RASSF2: variants seen among roughly 807,000 people sequenced by gnomAD.
The protein encoded by RASSF2 is Ras association domain family member 2, also known as ras association domain-containing protein 2.
A neutral mutation model predicts 46.3 loss-of-function variants in RASSF2; 34 were observed. The observed-to-expected ratio is 0.73, with a 90% CI of 0.56 to 0.98. The LOEUF is 0.98. RASSF2 is among the 50% of genes least tolerant of loss of function. The pLI is 0.00. For missense variants in RASSF2, 364 were observed against 431.2 expected (o/e 0.84, Z 1.38); for synonymous variants, 158 against 162.5 (o/e 0.97, Z 0.21).
intron 2 of RASSF2, among the ~76,000 whole-genome samples, chr20:4,818,409 C>G (rs191802297): frequency 1.3e-5 from 2 of 152,122 alleles, no homozygotes. Flanking sequence ...TCCTCCCCTC[C>G]GCATGTACAG....
chr20:4,813,406 C>T (rs934478573), intron 2 of RASSF2, among the ~76,000 whole-genome samples: 2 of 152,198 alleles, frequency 1.3e-5, no homozygotes, highest in African/African-American at 4.8e-5. Context: ...TTCCCAGACG[C>T]GACTGTGGAA....
At chr20:4,788,289 T>C in intron 8 of RASSF2, 21 bp from the exon 9 acceptor site, 1 of 1,599,142 alleles carries the variant, frequency 6.3e-7, no homozygotes, top group South Asian at 1.1e-5. Flanking sequence ...AGCAAAAGAT[T>C]CTTGTTGAAA....
intron 11 of RASSF2, 27 bp from the exon 12 acceptor site, chr20:4,784,369 G>A (rs1279794125): frequency 6.2e-7 from 1 of 1,606,466 alleles, no homozygotes; most frequent in Non-Finnish European, 8.5e-7. Context: ...GGCTCAGATG[G>A]AGAGCAGCCA....
At chr20:4,808,662 T>G (rs956791466) in intron 2 of RASSF2, among the ~76,000 whole-genome samples, 3 of 152,022 alleles carry the variant, frequency 2.0e-5, no homozygotes, top group Non-Finnish European at 4.4e-5. Context: ...AATTTTTTAT[T>G]TTTTGTAAAG....
chr20:4,795,903 G>T lies in RASSF2; in HGVS notation c.199C>A (p.Arg67Ser). 1 of 1,606,684 alleles carries T rather than the reference G, an allele frequency of 6.2e-7. No homozygotes were observed. Among genetic ancestry groups the T allele is most frequent in the Non-Finnish European group, 8.5e-7 (1 of 1,175,818 alleles). ...TCGTTGTCATCCTGCATCTGCAGGC[G>T]AATGGGCCGGCGCAGGCCCCAGGAG... The part of the protein sequence containing the change: ...NISWGLRRPI[R>S]LQMQDDNERI... Residue 67 changes from arginine to serine, a missense_variant, in exon 5 of 12, where the codon CGC becomes AGC. By Grantham distance (110) the Arg-to-Ser change is moderately radical. Coordinates refer to ENST00000379400, the MANE Select transcript of RASSF2 (RefSeq NM_014737.3). This position sits in a 1 kb window ranked among gnomAD's most constrained non-coding sequence, Gnocchi z 4.0.
In RASSF2 at chr20:4,795,976, A is replaced by G; in HGVS notation, c.136-10T>C. 1 of 1,507,590 alleles carries G rather than the reference A, an allele frequency of 6.6e-7. No homozygotes were observed. Among genetic ancestry groups the G allele is most frequent in the Non-Finnish European group, 8.9e-7 (1 of 1,122,046 alleles). 93.4% of individuals were successfully genotyped at this position (1,507,590 alleles called of 1,614,324 possible). On this transcript the variant is annotated splice_polypyrimidine_tract_variant and intron_variant, in intron 4 of 11. Coordinates refer to ENST00000379400, the MANE Select transcript of RASSF2 (RefSeq NM_014737.3). This position sits in a 1 kb window ranked among gnomAD's most constrained non-coding sequence, Gnocchi z 4.0. Reference sequence around the variant, plus strand: ...TGAACTCGTCTTCTTCCTGCCCACAAAGCAATCAGAGTAGTGAGCCTAGAA... The same window carrying G: ...TGAACTCGTCTTCTTCCTGCCCACAGAGCAATCAGAGTAGTGAGCCTAGAA...
At chr20:4,810,315 T>C (rs761717784) in intron 2 of RASSF2, among the ~76,000 whole-genome samples, 4 of 152,052 alleles carry the variant, frequency 2.6e-5, no homozygotes, top group Admixed American at 6.5e-5. Flanking sequence ...CAAGAACAAA[T>C]GCAGGGCTGG....
intron 2 of RASSF2, among the ~76,000 whole-genome samples, chr20:4,801,438 G>A (rs920368607): frequency 1.3e-5 from 2 of 152,164 alleles, no homozygotes; most frequent in Non-Finnish European, 2.9e-5. Context: ...ATTCTACTGA[G>A]GTCTACTGAG....
Position 4,792,538 on chromosome 20 carries a change from C to A in RASSF2, c.376+1G>T, listed in dbSNP as rs759577862. On this transcript the variant is annotated splice_donor_variant, in intron 6 of 11. Coordinates refer to ENST00000379400, the MANE Select transcript of RASSF2 (RefSeq NM_014737.3). LOFTEE classifies it high-confidence loss of function. ...TGGAAGTACCTTCCACTCACATGTA[C>A]CTGTGGAGCTTGGCATCTGGTCACC... The A allele has an allele frequency of 6.8e-6, 11 of 1,614,140 alleles. No individual in the cohort carries two copies. The highest frequency in any genetic ancestry group is 7.6e-6 in the Non-Finnish European group (9 of 1,180,022).
chr20:4,809,522 C>G (rs924938448), intron 2 of RASSF2, among the ~76,000 whole-genome samples: 1 of 152,114 alleles, frequency 6.6e-6, no homozygotes, highest in Non-Finnish European at 1.5e-5. Flanking sequence ...TGTTTCTCTC[C>G]CCTCCTGGGC....
At chr20:4,810,180 C>G (rs371020901) in intron 2 of RASSF2, among the ~76,000 whole-genome samples, 5 of 152,190 alleles carry the variant, frequency 3.3e-5, no homozygotes, top group Non-Finnish European at 5.9e-5. Flanking sequence ...GCTGCCGGAA[C>G]GGGGTCAGCG....
intron 4 of RASSF2, among the ~76,000 whole-genome samples, chr20:4,796,177 T>A (rs537830808): frequency 3.3e-5 from 5 of 152,330 alleles, no homozygotes; most frequent in African/African-American, 1.2e-4. Context: ...ACCTCACAGG[T>A]CAGCACAAAA....
In RASSF2 at chr20:4,790,106, A is replaced by G. The variant is rs1216198073; in HGVS notation, c.537+345T>C. Among the ~76,000 whole-genome samples, 2 of 152,176 alleles carry G rather than the reference A, an allele frequency of 1.3e-5. No homozygotes were observed. The highest frequency in any genetic ancestry group is 2.9e-5 in the Non-Finnish European group (2 of 68,030). On this transcript the variant is annotated intron_variant, in intron 7 of 11. Transcript: ENST00000379400. The surrounding 1 kb of genome is among the most constrained non-coding windows in gnomAD (Gnocchi z 4.3). ...GCCAGACCATACACCAGCTGGGGGC[A>G]CAGTGTGCAGGAAGAGGGTAACACG...
intron 2 of RASSF2, among the ~76,000 whole-genome samples, chr20:4,809,970 C>T (rs986650610): frequency 6.6e-6 from 1 of 152,200 alleles, no homozygotes; most frequent in Middle Eastern, 3.2e-3. Flanking sequence ...TCTCAGGAAA[C>T]GTGTGCCGCT....
At chr20:4,786,954 A>T (rs534022149) in intron 10 of RASSF2, among the ~76,000 whole-genome samples, 1 of 151,988 alleles carries the variant, frequency 6.6e-6, no homozygotes, top group Non-Finnish European at 1.5e-5. Context: ...ATGGTGGTGC[A>T]CACCTGTGGT....
chr20:4,803,975 T>C (rs1004290258), intron 2 of RASSF2, among the ~76,000 whole-genome samples: 1 of 151,882 alleles, frequency 6.6e-6, no homozygotes. Context: ...GGAGGATAAA[T>C]TGGGCCCGGG....
At chr20:4,791,712 G>A (rs1214554130) in intron 6 of RASSF2, among the ~76,000 whole-genome samples, 1 of 152,224 alleles carries the variant, frequency 6.6e-6, no homozygotes, top group Non-Finnish European at 1.5e-5. Flanking sequence ...TGTGTGACGT[G>A]ACACATGTAT....
chr20:4,802,006 C>T (rs1209868166), intron 2 of RASSF2, among the ~76,000 whole-genome samples: 2 of 152,230 alleles, frequency 1.3e-5, no homozygotes, highest in Non-Finnish European at 2.9e-5. Flanking sequence ...TCCCAAAGTG[C>T]TGGGATTACA....
At chr20:4,798,299 C>A (rs768946895) in intron 3 of RASSF2, among the ~76,000 whole-genome samples, 12 of 152,124 alleles carry the variant, frequency 7.9e-5, no homozygotes, top group African/African-American at 1.2e-4. Context: ...AGAGTGAGCA[C>A]CACCCCAGAA....
Sources: allele counts gnomAD v4.1 joint callset (sites outside exome capture counted in the v4.1 genomes callset), GRCh38; gene constraint gnomAD v4.1.1; non-coding constraint Gnocchi (gnomAD v3.1); transcripts MANE v1.5; gene names NCBI Gene and HGNC (gene_info 2026-07-23, HGNC 2026-07-21).